Variants in ARHGAP39 observed in about 807,000 individuals in gnomAD.
ARHGAP39 encodes the protein Rho GTPase activating protein 39.
In ARHGAP39, 44 loss-of-function variants were observed where a neutral mutation model predicts 106.9. The ratio of observed to expected loss-of-function variants is 0.41; its 90% CI spans 0.32 to 0.53. The LOEUF (loss-of-function observed/expected upper bound fraction) is 0.53. ARHGAP39 is among the 20% of genes least tolerant of loss of function. The probability of loss-of-function intolerance (pLI) is 0.21; values close to 1 mark genes in which losing one functional copy is unlikely to be tolerated. For synonymous variants in ARHGAP39, 768 were observed against 693.2 expected (o/e 1.11, Z -1.69); for missense variants, 1,496 against 1,577.3 (o/e 0.95, Z 0.87).
chr8:144,679,011 G>A lies in ARHGAP39; in HGVS notation c.-82+6675C>T, dbSNP rs1030984760. ...GGACCTGGAGCCGTACCACATGGCA[G>A]CTGAGAGGGGGACCCAGCACGCCAA... On this transcript the variant is annotated intron_variant, in intron 1 of 11. Transcript: ENST00000377307. This position sits in a 1 kb window ranked among gnomAD's most constrained non-coding sequence, Gnocchi z 4.7. Among the ~76,000 whole-genome samples, 8 of 152,078 alleles carry A rather than the reference G, an allele frequency of 5.3e-5. No individual in the cohort carries two copies. Among genetic ancestry groups the A allele is most frequent in the African/African-American group, 1.9e-4 (8 of 41,446 alleles).
Position 144,533,190 on chromosome 8 carries a change from C to A in ARHGAP39, c.2824G>T (p.Val942Leu). 4 of 1,612,206 alleles carry A rather than the reference C, an allele frequency of 2.5e-6. No homozygotes were observed. In the Admixed American group the frequency reaches 5.0e-5, roughly 20 times the overall value. The part of the protein sequence containing the change: ...ERYPERQLPW[V>L]QTRLSEEVLA... ...ACCTCCTCAGAGAGCCGTGTCTGCA[C>A]CCAGGGCAGCTGGCGCTCGGGGTAG... Residue 942 changes from valine to leucine, a missense_variant, in exon 9 of 12, where the codon GTG becomes TTG. By Grantham distance (32) the Val-to-Leu change is conservative. This residue lies in a region of ARHGAP39 where 470 missense variants were observed against 605.1 expected (regional missense o/e 0.78). Coordinates refer to ENST00000377307, the MANE Select transcript of ARHGAP39 (RefSeq NM_025251.3).
chr8:144,609,745 TTTG>T (rs1402841482), intron 1 of ARHGAP39, among the ~76,000 whole-genome samples: 1 of 152,190 alleles, frequency 6.6e-6, no homozygotes, highest in Non-Finnish European at 1.5e-5. Flanking sequence ...TGGCTAAAAT[TTTG>T]TTAAGAATTT....
At chr8:144,673,455 T>C (rs1202342738) in intron 1 of ARHGAP39, among the ~76,000 whole-genome samples, 1 of 152,244 alleles carries the variant, frequency 6.6e-6, no homozygotes, top group Non-Finnish European at 1.5e-5. Context: ...TTATTTTTAG[T>C]ATATTCACAG....
chr8:144,616,108 T>C (rs1820629208), intron 1 of ARHGAP39, among the ~76,000 whole-genome samples: 1 of 152,254 alleles, frequency 6.6e-6, no homozygotes, highest in Non-Finnish European at 1.5e-5. Context: ...TACTGTGGTG[T>C]GGCTGCTGCA....
intron 1 of ARHGAP39, among the ~76,000 whole-genome samples, chr8:144,666,586 G>T (rs1479077330): frequency 1.3e-5 from 2 of 152,086 alleles, no homozygotes; most frequent in African/African-American, 2.4e-5. Flanking sequence ...AGATCTAATG[G>T]GTTTATGGGG....
rs369823775 is a variant in ARHGAP39, at chr8:144,530,736, C to T, written c.3116G>A (p.Arg1039His). 6.8e-6 allele frequency: 11 copies of T among 1,608,934 alleles called. No homozygotes were observed. The highest frequency in any genetic ancestry group is 1.3e-5 in the African/African-American group (1 of 74,966). The change falls in exon 11 of 12, where the codon CGC becomes CAC. Residue 1039 changes from arginine (R) to histidine (H), a missense_variant. Around this residue, in one of 4 missense-constraint regions of ARHGAP39, gnomAD observed 470 missense variants for 605.1 expected, o/e 0.78. Coordinates refer to ENST00000377307, the MANE Select transcript of ARHGAP39 (RefSeq NM_025251.3). ...AVVHALPRIN[R>H]MVLCYLIRFL... The stretch of plus-strand genomic sequence containing the variant: ...GCGGATGAGGTAGCACAGCACCATG[C>T]GGTTGATGCGGGGCAGCGCGTGCAC...
At chr8:144,543,438 C>T (rs572226194) in intron 6 of ARHGAP39, among the ~76,000 whole-genome samples, 4 of 152,340 alleles carry the variant, frequency 2.6e-5, no homozygotes, top group South Asian at 2.1e-4. Flanking sequence ...CCCTGACAGA[C>T]GAACCTAGGA....
At chr8:144,674,708 C>T (rs1172373257) in intron 1 of ARHGAP39, among the ~76,000 whole-genome samples, 1 of 152,212 alleles carries the variant, frequency 6.6e-6, no homozygotes, top group East Asian at 1.9e-4. Context: ...TGCTGAGGGG[C>T]TCCTGCAGGC....
rs1816943114 is a variant in ARHGAP39, at chr8:144,536,118, T to G, written c.2614+1603A>C. On this transcript the variant is annotated intron_variant, in intron 7 of 11. Transcript: ENST00000377307. ...CAGCCCAGGGAGACCCTCACCTGTG[T>G]GGGGTGCTCTGCTCTGAGCCCACTG... Among the ~76,000 whole-genome samples the G allele has an allele frequency of 4.6e-5, 7 of 152,156 alleles. No individual in the cohort carries two copies. The South Asian group carries it at 1.4e-3, about 31-fold the overall frequency.
chr8:144,552,329 T>A (rs187322445), intron 4 of ARHGAP39, among the ~76,000 whole-genome samples: 231 of 152,322 alleles, frequency 1.5e-3, no homozygotes, highest in Non-Finnish European at 2.5e-3. Flanking sequence ...CTGCTGTCGC[T>A]CCTGAGAAGC....
intron 1 of ARHGAP39, among the ~76,000 whole-genome samples, chr8:144,683,993 A>G (rs1822502618): frequency 6.6e-6 from 1 of 152,190 alleles, no homozygotes; most frequent in African/African-American, 2.4e-5. Flanking sequence ...CTATGAGGCC[A>G]ATATTATTAG....
chr8:144,605,582 G>A lies in ARHGAP39; in HGVS notation c.33C>T (p.Ser11=), dbSNP rs1326149672. The A allele has an allele frequency of 6.2e-7, 1 of 1,613,824 alleles. No homozygotes were observed. The highest frequency in any genetic ancestry group is 1.7e-5 in the Admixed American group (1 of 60,030). Residue 11 remains serine (S), a synonymous_variant, in exon 2 of 12, where the codon AGC becomes AGT. Coordinates refer to ENST00000377307, the MANE Select transcript of ARHGAP39 (RefSeq NM_025251.3). MSQTQDYECR[S]HNVDLPESRI... is the part of the protein sequence containing the mutation. ...TCGACTCCGGCAGGTCGACATTATG[G>A]CTCCTGCACTCGTAGTCCTGCGTCT...
intron 3 of ARHGAP39, among the ~76,000 whole-genome samples, chr8:144,578,073 A>G (rs1297077508): frequency 2.0e-5 from 3 of 152,196 alleles, no homozygotes; most frequent in Non-Finnish European, 4.4e-5. Flanking sequence ...AGCCAAAACA[A>G]CCTTGAAAAA....
chr8:144,698,217 C>T, the ARHGAP39 span, among the ~76,000 whole-genome samples: 1 of 152,162 alleles, frequency 6.6e-6, no homozygotes, highest in Non-Finnish European at 1.5e-5. Flanking sequence ...CCTCTACCCA[C>T]TCTCTTTCTT....
At chr8:144,658,840 A>T (rs1256687896) in intron 1 of ARHGAP39, among the ~76,000 whole-genome samples, 2 of 152,218 alleles carry the variant, frequency 1.3e-5, no homozygotes, top group Non-Finnish European at 2.9e-5. Context: ...TATATGTAAA[A>T]AAATTAAAAC....
At chr8:144,577,360 T>G (rs749591925) in intron 3 of ARHGAP39, among the ~76,000 whole-genome samples, 71 of 152,130 alleles carry the variant, frequency 4.7e-4, no homozygotes, top group Non-Finnish European at 1.9e-4. Flanking sequence ...TCATCTTAAC[T>G]GATACAGAAA....
rs747167061 is a variant in ARHGAP39 at position 144,545,787 on chromosome 8, G to C, written c.1983C>G (p.Ala661=). The change falls in exon 6 of 12, where the codon GCC becomes GCG. Residue 661 remains alanine (A), a synonymous_variant. Coordinates refer to ENST00000377307, the MANE Select transcript of ARHGAP39 (RefSeq NM_025251.3). ...PSQSEDLAAC[A]QFESSRQSRS... is the part of the protein sequence containing the mutation. ...GGCTCTGCCGGCTGCTCTCGAACTGGGCACAGGCAGCGAGGTCCTCAGACT... is the reference window on the plus strand; with the variant it reads ...GGCTCTGCCGGCTGCTCTCGAACTGCGCACAGGCAGCGAGGTCCTCAGACT... The C allele has an allele frequency of 6.4e-7, 1 of 1,574,134 alleles. No homozygotes were observed. The highest frequency in any genetic ancestry group is 1.1e-5 in the South Asian group (1 of 87,024).
chr8:144,600,483 C>G (rs367730292), intron 2 of ARHGAP39, among the ~76,000 whole-genome samples: 120 of 124,748 alleles, frequency 9.6e-4, no homozygotes, highest in African/African-American at 3.3e-3. Context: ...TGCATCGAGG[C>G]GTGTGTGCAC....
chr8:144,583,492 C>T (rs1020996126), intron 2 of ARHGAP39, among the ~76,000 whole-genome samples: 2 of 152,134 alleles, frequency 1.3e-5, no homozygotes, highest in African/African-American at 2.4e-5. Context: ...GGTTCCCCAC[C>T]GTAGCATCCT....
Sources: gnomAD v4.1 joint callset for allele counts (sites outside exome capture counted in the v4.1 genomes callset) on GRCh38, gnomAD v4.1.1 for gene constraint, gnomAD v4.1.1 regional missense constraint, Gnocchi (gnomAD v3.1) non-coding constraint, MANE v1.5 for transcripts, NCBI Gene and HGNC (gene_info 2026-07-23, HGNC 2026-07-21) for gene names.